Variants in HDAC9 observed in about 807,000 individuals in gnomAD.
HDAC9 encodes histone deacetylase 9.
Under a neutral mutation model 139.4 loss-of-function variants are expected in HDAC9, and 41 were observed. That is an observed-to-expected ratio of 0.29 (90% CI 0.23 to 0.38). The LOEUF is 0.38. Among genes scored for constraint, HDAC9 ranks in the 10% least tolerant of loss-of-function variants. The probability of loss-of-function intolerance (pLI) is 1.00; values close to 1 mark genes in which losing one functional copy is unlikely to be tolerated. For missense variants in HDAC9, 1,147 were observed against 1,297.0 expected, an observed-to-expected ratio of 0.88 and a Z score of 1.78; for synonymous variants, 517 against 476.2, an observed-to-expected ratio of 1.09 and a Z score of -1.12.
chr7:18,594,798 C>T (rs1380191119), intron 6 of HDAC9, among the ~76,000 whole-genome samples: 2 of 151,960 alleles, frequency 1.3e-5, no homozygotes, highest in African/African-American at 4.8e-5. Context: ...TAAATCTCAA[C>T]GTTGTTTGCC....
In HDAC9 at chr7:18,618,286, C is replaced by T. The variant is rs574158983; in HGVS notation, c.665-11064C>T. On this transcript the variant is annotated intron_variant, in intron 6 of 25. Coordinates refer to ENST00000686413, the MANE Select transcript of HDAC9 (RefSeq NM_178425.4). ...TGCAGGCAAGAAAATTGAAGCACAG[C>T]GACATTAAATATTTTACTCAGATGT... Among the ~76,000 whole-genome samples the T allele has an allele frequency of 4.6e-5, 7 of 151,998 alleles. No homozygotes were observed. In the South Asian group the frequency reaches 8.3e-4, roughly 18 times the overall value.
chr7:18,614,366 A>G (rs1484676799), intron 6 of HDAC9, among the ~76,000 whole-genome samples: 1 of 152,104 alleles, frequency 6.6e-6, no homozygotes, highest in Non-Finnish European at 1.5e-5. Flanking sequence ...CAAACATGCA[A>G]GCTTGACTTT....
At chr7:18,651,507 T>TGGAA (rs1422405547) in intron 11 of HDAC9, among the ~76,000 whole-genome samples, 8 of 152,160 alleles carry the variant, frequency 5.3e-5, no homozygotes, top group African/African-American at 1.9e-4. Context: ...ATGATGGGCT[T>TGGAA]CCTGGTATAA....
At chr7:18,663,362 G>T (rs1793806244) in intron 11 of HDAC9, among the ~76,000 whole-genome samples, 1 of 152,012 alleles carries the variant, frequency 6.6e-6, no homozygotes, top group South Asian at 2.1e-4. Context: ...TTTTTACTTG[G>T]TGGGTGATAT....
Position 18,590,321 on chromosome 7 carries a change from T to G in HDAC9, c.265-15T>G. 1 of 1,611,802 alleles carries G rather than the reference T, an allele frequency of 6.2e-7. No homozygotes were observed. Among genetic ancestry groups the G allele is most frequent in the Non-Finnish European group, 8.5e-7 (1 of 1,178,966 alleles). On this transcript the variant is annotated splice_polypyrimidine_tract_variant and intron_variant, in intron 3 of 25. Coordinates refer to ENST00000686413, the MANE Select transcript of HDAC9 (RefSeq NM_178425.4). ...AAAGAAATTGCACACTCTCATGTCT[T>G]TCTCTTCTCGCAAGTTGCAACAGGA... is the stretch of plus-strand genomic sequence containing the variant.
rs115971693 is a variant in HDAC9 at position 18,800,179 on chromosome 7, T to C, written c.2322+6727T>C. Among the ~76,000 whole-genome samples the C allele has an allele frequency of 8.7e-3, 1,323 of 152,324 alleles. 23 individuals are homozygous for C. The highest frequency in any genetic ancestry group is 0.03 in the African/African-American group (1,257 of 41,578). Reference sequence around the variant, plus strand: ...GTCCAACAAATCTGTCCTTCAAAAATGATGGTGAATTTAATACATGCTCTG... The same window carrying C: ...GTCCAACAAATCTGTCCTTCAAAAACGATGGTGAATTTAATACATGCTCTG... On this transcript the variant is annotated intron_variant, in intron 17 of 25. Coordinates refer to ENST00000686413, the MANE Select transcript of HDAC9 (RefSeq NM_178425.4).
chr7:18,996,192 A>C lies in HDAC9; in HGVS notation c.*130A>C, dbSNP rs1354357878. 1.6e-6 allele frequency: 1 copy of C among 608,320 alleles called. No individual in the cohort carries two copies. The highest frequency in any genetic ancestry group is 2.9e-6 in the Non-Finnish European group (1 of 345,088). 37.7% of individuals were successfully genotyped at this position (608,320 alleles called of 1,614,324 possible). ...TCAATGGAACATAAACACTGGGCAC[A>C]AAATTCTGAACAGCAGCTTCACTTG... is the stretch of plus-strand genomic sequence containing the variant. On this transcript the variant is annotated 3_prime_UTR_variant, in exon 26 of 26. Coordinates refer to ENST00000686413, the MANE Select transcript of HDAC9 (RefSeq NM_178425.4).
chr7:18,980,375 A>G (rs1354206641), intron 25 of HDAC9, among the ~76,000 whole-genome samples: 1 of 152,196 alleles, frequency 6.6e-6, no homozygotes, highest in African/African-American at 2.4e-5. Flanking sequence ...CTTCAATCCT[A>G]TCCTCTTACC....
At chr7:18,852,536 A>G (rs1797378535) in intron 21 of HDAC9, among the ~76,000 whole-genome samples, 1 of 152,234 alleles carries the variant, frequency 6.6e-6, no homozygotes, top group Non-Finnish European at 1.5e-5. Context: ...GGACTTGGAA[A>G]AGGTCCATGT....
chr7:18,606,910 G>A (rs1479506647), intron 6 of HDAC9, among the ~76,000 whole-genome samples: 1 of 151,972 alleles, frequency 6.6e-6, no homozygotes, highest in African/African-American at 2.4e-5. Context: ...GGTATACAAG[G>A]TACTTGTAAA....
chr7:18,815,397 G>A (rs1294530426), intron 17 of HDAC9, among the ~76,000 whole-genome samples: 1 of 151,996 alleles, frequency 6.6e-6, no homozygotes, highest in Non-Finnish European at 1.5e-5. Flanking sequence ...GGTTATTATT[G>A]CCTTACCAAG....
chr7:18,488,303 T>C lies in HDAC9; in HGVS notation c.-41-7959T>C, dbSNP rs74657398. On this transcript the variant is annotated intron_variant, in intron 1 of 3. Coordinates refer to the HDAC9 transcript ENST00000413509. ...GAAAATAGTGCTTCATTATTCAGCATGAACCATTACGTGTCACTTAAAGGA... is the reference window on the plus strand; with the variant it reads ...GAAAATAGTGCTTCATTATTCAGCACGAACCATTACGTGTCACTTAAAGGA... Among the ~76,000 whole-genome samples, 59 of 152,142 alleles carry C rather than the reference T, an allele frequency of 3.9e-4. 1 individual carries two copies. In the East Asian group the frequency reaches 0.011, roughly 27 times the overall value.
At chr7:18,601,004 A>G (rs1030338382) in intron 6 of HDAC9, among the ~76,000 whole-genome samples, 1 of 152,102 alleles carries the variant, frequency 6.6e-6, no homozygotes, top group South Asian at 2.1e-4. Context: ...GAGTTTTGCT[A>G]TGTTGACCAA....
chr7:18,393,787 A>G (rs1229970568), intron 1 of HDAC9, among the ~76,000 whole-genome samples: 3 of 152,240 alleles, frequency 2.0e-5, no homozygotes, highest in East Asian at 3.9e-4. Context: ...TTTGAGTGAA[A>G]TCATTTTGGC....
At position 18,996,060 on chromosome 7, in the gene HDAC9, T is replaced by C; in HGVS notation, c.3208T>C (p.Ter1070ArgextTer12). Reference sequence around the variant, plus strand: ...GCCTATGGAAGAGGAGCCAGCCTTGTGAAGTGCCAAGTCCCCCTCTGATAT... The same window carrying C: ...GCCTATGGAAGAGGAGCCAGCCTTGCGAAGTGCCAAGTCCCCCTCTGATAT... ...GEPMEEEPAL[*>R] Residue 1070 changes from the stop codon to arginine (R), a stop_lost, in exon 26 of 26, where the codon TGA (stop) becomes CGA (arginine). Transcript: ENST00000686413. The C allele has an allele frequency of 6.2e-7, 1 of 1,604,584 alleles. No homozygotes were observed.
chr7:18,714,890 C>T (rs1476563709), intron 12 of HDAC9, among the ~76,000 whole-genome samples: 3 of 152,036 alleles, frequency 2.0e-5, no homozygotes, highest in South Asian at 2.1e-4. Flanking sequence ...ACCTAGTAAG[C>T]GCTTAATATA....
At chr7:18,988,142 T>C (rs1393043627) in intron 25 of HDAC9, among the ~76,000 whole-genome samples, 5 of 152,306 alleles carry the variant, frequency 3.3e-5, no homozygotes, top group African/African-American at 1.2e-4. Context: ...CTAGTTCTTT[T>C]AATTGTGATG....
At chr7:18,721,374 A>G (rs946173394) in intron 12 of HDAC9, among the ~76,000 whole-genome samples, 1 of 152,018 alleles carries the variant, frequency 6.6e-6, no homozygotes, top group African/African-American at 2.4e-5. Flanking sequence ...ATTAATTTGC[A>G]AATTTTGGAA....
At chr7:18,265,952 A>G (rs986779999) in intron 2 of HDAC9, among the ~76,000 whole-genome samples, 3 of 152,204 alleles carry the variant, frequency 2.0e-5, no homozygotes, top group Admixed American at 6.5e-5. Context: ...CAAAAGTAGT[A>G]GTTTTCTAAA....
Sources: allele counts gnomAD v4.1 joint callset (sites outside exome capture counted in the v4.1 genomes callset), GRCh38; gene constraint gnomAD v4.1.1; transcripts MANE v1.5; gene names NCBI Gene and HGNC (gene_info 2026-07-23, HGNC 2026-07-21).